The following NKTR variants were observed in gnomAD, a reference collection of about 807,000 sequenced individuals.
The protein encoded by NKTR is NK-tumor recognition protein.
In NKTR, 67 loss-of-function variants were observed where a neutral mutation model predicts 156.3. That is an observed-to-expected ratio of 0.43 (90% CI 0.35 to 0.53). The LOEUF (loss-of-function observed/expected upper bound fraction) is 0.53. Ranked by LOEUF, NKTR falls within the 20% of genes least tolerant of loss-of-function variation. The pLI is 0.01. For synonymous variants in NKTR, 640 were observed against 596.6 expected (o/e 1.07, Z -1.06); for missense variants, 1,604 against 1,730.9 (o/e 0.93, Z 1.30).
rs1349511117 is a variant in NKTR at position 42,639,784 on chromosome 3, GGA to G, written c.4046+38_4046+39del. The G allele has an allele frequency of 2.8e-6, 4 of 1,414,270 alleles. No homozygotes were observed. In the Admixed American group the frequency reaches 5.9e-5, roughly 21 times the overall value. The allele number at this position is 1,414,270 out of a possible 1,614,324, so 87.6% of individuals were successfully genotyped here. On this transcript the variant is annotated intron_variant, in intron 13 of 16. Transcript: ENST00000232978. The stretch of plus-strand genomic sequence containing the variant: ...TATTCTCTTTCCTTTCTTCTCCCAA[GGA>G]GAGTCTGTTATTGTTTAGCTTGGAA...
In NKTR at chr3:42,643,362, G is replaced by C; in HGVS notation, c.4166G>C (p.Arg1389Thr). ...AGGACGTCCAGCAGGAGCAGATCCA[G>C]GAGCAGCTCATATGATCCCCACAGT... is the stretch of plus-strand genomic sequence containing the variant. ...SHRTSSRSRSRSSSYDPHSRS... is the reference protein window; with the variant it reads ...SHRTSSRSRSTSSSYDPHSRS... Residue 1389 changes from arginine to threonine, a missense_variant, in exon 15 of 17, where the codon AGG becomes ACG. Around this residue, in one of 6 missense-constraint regions of NKTR, gnomAD observed 193 missense variants for 220.2 expected, o/e 0.88. Coordinates refer to ENST00000232978, the MANE Select transcript of NKTR (RefSeq NM_005385.4). 1 of 1,614,014 alleles carries C rather than the reference G, an allele frequency of 6.2e-7. No homozygotes were observed. The highest frequency in any genetic ancestry group is 8.5e-7 in the Non-Finnish European group (1 of 1,179,998).
chr3:42,635,290 C>T lies in NKTR; in HGVS notation c.1087C>T (p.Pro363Ser), dbSNP rs1559580941. 6.2e-7 allele frequency: 1 copy of T among 1,612,570 alleles called. No individual in the cohort carries two copies. The highest frequency in any genetic ancestry group is 8.5e-7 in the Non-Finnish European group (1 of 1,178,678). The change falls in exon 12 of 17, where the codon CCT (proline) becomes TCT (serine). Residue 363 changes from proline (P) to serine (S), a missense_variant. Coordinates refer to ENST00000232978, the MANE Select transcript of NKTR (RefSeq NM_005385.4). ...SDDDDSSETP[P>S]HWKEEMQRLR... ...TGATGATGACAGCAGTGAAACTCCTCCTCACTGGAAAGAGGAAATGCAGAG... is the reference window on the plus strand; with the variant it reads ...TGATGATGACAGCAGTGAAACTCCTTCTCACTGGAAAGAGGAAATGCAGAG...
chr3:42,621,127 A>T (rs1707862656), intron 5 of NKTR: 8 of 995,448 alleles, frequency 8.0e-6, no homozygotes, highest in Non-Finnish European at 8.4e-6. Context: ...GTTTTCCCTG[A>T]AAGTTAATAA....
intron 5 of NKTR, chr3:42,620,238 G>A: frequency 1.6e-6 from 2 of 1,265,042 alleles, no homozygotes; most frequent in Non-Finnish European, 2.0e-6. Context: ...TTTCACATCA[G>A]AGAAAAGAGT....
In NKTR at chr3:42,638,307, A is replaced by G; in HGVS notation, c.2603A>G (p.His868Arg). The G allele has an allele frequency of 6.2e-7, 1 of 1,605,368 alleles. No homozygotes were observed. Among genetic ancestry groups the G allele is most frequent in the Non-Finnish European group, 8.5e-7 (1 of 1,177,816 alleles). The change falls in exon 13 of 17, where the codon CAC (histidine) becomes CGC (arginine). Residue 868 changes from histidine to arginine, a missense_variant. By Grantham distance (29) the His-to-Arg change is conservative. This residue lies in a region of NKTR where 1,255 missense variants were observed against 1,243.7 expected (regional missense o/e 1.01). Transcript: ENST00000232978. Reference protein sequence around the residue: ...KRTLKENLSDHLRNGSKPKRK... With the variant: ...KRTLKENLSDRLRNGSKPKRK... ...ACTTTGAAAGAGAATCTTTCTGATC[A>G]CCTTAGAAATGGCAGTAAGCCCAAA...
At position 42,634,933 on chromosome 3, in the gene NKTR, G is replaced by T. The variant is rs147374218; in HGVS notation, c.1017+233G>T. On this transcript the variant is annotated intron_variant, in intron 11 of 16. Coordinates refer to ENST00000232978, the MANE Select transcript of NKTR (RefSeq NM_005385.4). ...GTGAAACCATCAGTGAGTATGCTGA[G>T]AAATCATTAAGACTTTAAAAAGGAA... 531 of 461,238 alleles carry T rather than the reference G, an allele frequency of 1.2e-3. 5 individuals carry two copies. The East Asian group carries it at 0.018, about 15-fold the overall frequency. 28.6% of individuals were successfully genotyped at this position (461,238 alleles called of 1,614,324 possible). A position where few individuals can be genotyped will look rare whatever the true frequency, so the allele number is the denominator to read the frequency against.
At chr3:42,603,800 A>T (rs2125755985) in intron 2 of NKTR, among the ~76,000 whole-genome samples, 1 of 142,642 alleles carries the variant, frequency 7.0e-6, no homozygotes, top group African/African-American at 2.7e-5. Flanking sequence ...CAGTGGTGCC[A>T]TCTCGGCTCA....
chr3:42,612,332 C>G (rs1403664860), intron 2 of NKTR: 2 of 151,996 alleles, frequency 1.3e-5, no homozygotes, highest in Admixed American at 6.6e-5. Flanking sequence ...CATCCTGTAC[C>G]TTTTTCCACT....
At chr3:42,632,925 A>G in intron 9 of NKTR, 102 bp downstream of exon 9, 1 of 1,334,258 alleles carries the variant, frequency 7.5e-7, no homozygotes, top group African/African-American at 1.5e-5. Flanking sequence ...CTGTTATTGA[A>G]AAAGGATAGC....
rs997669562 is a variant in NKTR, at chr3:42,638,598, C to A, written c.2894C>A (p.Ser965Tyr). 1 of 1,613,924 alleles carries A rather than the reference C, an allele frequency of 6.2e-7. No homozygotes were observed. The highest frequency in any genetic ancestry group is 1.7e-5 in the Admixed American group (1 of 59,972). Residue 965 changes from serine (S) to tyrosine (Y), a missense_variant, in exon 13 of 17, where the codon TCC (serine) becomes TAC (tyrosine). Physicochemically the swap from Ser to Tyr is moderately radical, Grantham distance 144. Around this residue, in one of 6 missense-constraint regions of NKTR, gnomAD observed 1,255 missense variants for 1,243.7 expected, o/e 1.01. Transcript: ENST00000232978. Reference sequence around the variant, plus strand: ...ACTTCTGACTCTGAGGGGTCCTGTTCCAATTCGGAAAACAATAGGGGAAAG... The same window carrying A: ...ACTTCTGACTCTGAGGGGTCCTGTTACAATTCGGAAAACAATAGGGGAAAG... ...TSTSDSEGSCSNSENNRGKPQ... is the reference protein window; with the variant it reads ...TSTSDSEGSCYNSENNRGKPQ...
chr3:42,601,303 G>T, intron 2 of NKTR: 1 of 373,668 alleles, frequency 2.7e-6, no homozygotes, highest in Non-Finnish European at 4.9e-6. Context: ...TCCGGACTGA[G>T]TCCTCGTAGC....
intron 2 of NKTR, among the ~76,000 whole-genome samples, chr3:42,603,752 T>C (rs1705864929): frequency 6.6e-6 from 1 of 151,016 alleles, no homozygotes; most frequent in Non-Finnish European, 1.5e-5. Context: ...TTTTTTTTTT[T>C]TGAGGCGAAG....
Position 42,633,405 on chromosome 3 carries a change from C to T in NKTR, c.774-175C>T. 5 of 1,369,138 alleles carry T rather than the reference C, an allele frequency of 3.7e-6. No individual in the cohort carries two copies. The South Asian group carries it at 7.2e-5, about 20-fold the overall frequency. The allele number at this position is 1,369,138 out of a possible 1,614,324, so 84.8% of individuals were successfully genotyped here. On this transcript the variant is annotated intron_variant, in intron 9 of 16. Transcript: ENST00000232978. ...ACAATTTTCCTATCAAAATTCTAGTCTTTGGGTTTTTCACTGGGTTGATAT... is the reference window on the plus strand; with the variant it reads ...ACAATTTTCCTATCAAAATTCTAGTTTTTGGGTTTTTCACTGGGTTGATAT...
chr3:42,619,191 CT>C, intron 4 of NKTR, 64 bp downstream of exon 4: 1 of 1,567,794 alleles, frequency 6.4e-7, no homozygotes, highest in Non-Finnish European at 8.6e-7. Context: ...TTCATTATTA[CT>C]TTTAGTTCTA....
chr3:42,629,009 A>G, intron 6 of NKTR: 2 of 760,132 alleles, frequency 2.6e-6, no homozygotes, highest in Non-Finnish European at 3.2e-6. Context: ...CTCAAAATAA[A>G]CAAACAAATA....
At chr3:42,631,376 G>A in intron 8 of NKTR, 60 bp downstream of exon 8, 1 of 1,579,690 alleles carries the variant, frequency 6.3e-7, no homozygotes, top group African/African-American at 1.4e-5. Context: ...GCTGAAGACT[G>A]TAACTAGATT....
At chr3:42,611,616 C>T (rs1706820616) in intron 2 of NKTR, among the ~76,000 whole-genome samples, 1 of 151,750 alleles carries the variant, frequency 6.6e-6, no homozygotes, top group Non-Finnish European at 1.5e-5. Flanking sequence ...GTCTATAATC[C>T]TAGCTACTCG....
chr3:42,629,446 A>G (rs1368967748), intron 6 of NKTR: 2 of 952,920 alleles, frequency 2.1e-6, no homozygotes, highest in African/African-American at 3.5e-5. Flanking sequence ...AAATCCTTGT[A>G]GAATAAATAT....
chr3:42,637,024 G>C lies in NKTR; in HGVS notation c.1320G>C (p.Lys440Asn). 6.2e-7 allele frequency: 1 copy of C among 1,611,862 alleles called. No homozygotes were observed. The highest frequency in any genetic ancestry group is 1.1e-5 in the South Asian group (1 of 90,720). Residue 440 changes from lysine to asparagine, a missense_variant, in exon 13 of 17, where the codon AAG becomes AAC. Lys to Asn is a moderately conservative substitution (Grantham distance 94, BLOSUM62 0). Transcript: ENST00000232978. Reference protein sequence around the residue: ...RRKEKKVKHKKKGKKQKHCRR... With the variant: ...RRKEKKVKHKNKGKKQKHCRR... ...AAGAAAAAAAGGTTAAGCATAAAAA[G>C]AAAGGGAAAAAGCAGAAACACTGCA...
Sources: gnomAD v4.1 joint callset for allele counts (sites outside exome capture counted in the v4.1 genomes callset) on GRCh38, gnomAD v4.1.1 for gene constraint, gnomAD v4.1.1 regional missense constraint, MANE v1.5 for transcripts, NCBI Gene and HGNC (gene_info 2026-07-23, HGNC 2026-07-21) for gene names.